RRM1: variants seen among roughly 807,000 people sequenced by gnomAD.
RRM1 encodes the protein ribonucleoside-diphosphate reductase large subunit.
In RRM1, 19 loss-of-function variants were observed where a neutral mutation model predicts 101.5. The observed-to-expected ratio is 0.19, with a 90% CI of 0.13 to 0.27. RRM1 has a LOEUF of 0.27. Ranked by LOEUF, RRM1 falls within the 10% of genes least tolerant of loss-of-function variation. RRM1 has a pLI of 1.00. For missense variants in RRM1, 500 were observed against 962.9 expected, an observed-to-expected ratio of 0.52 and a Z score of 6.36; for synonymous variants, 298 against 323.4, an observed-to-expected ratio of 0.92 and a Z score of 0.84.
In RRM1 at chr11:4,130,659, G is replaced by C. The variant is rs545953576; in HGVS notation, c.1769+1509G>C. Among the ~76,000 whole-genome samples, 4 of 152,228 alleles carry C rather than the reference G, an allele frequency of 2.6e-5. No individual in the cohort carries two copies. In the South Asian group the frequency reaches 8.3e-4, roughly 32 times the overall value. On this transcript the variant is annotated intron_variant, in intron 15 of 18. Transcript: ENST00000300738. ...TACAGGGAGCCGAGATCATGCCACT[G>C]TACTCCAGCCTAGGTAACTGTGACT... is the stretch of plus-strand genomic sequence containing the variant.
At position 4,126,743 on chromosome 11, in the gene RRM1, A is replaced by G. The variant is rs1357817975; in HGVS notation, c.1380A>G (p.Thr460=). ...ALNMYVTSEH[T]YDFKKLAEVT... is the part of the protein sequence containing the mutation. The stretch of plus-strand genomic sequence containing the variant: ...ATATGTATGTCACATCAGAACACAC[A>G]TACGACTTTAAGAAGTTGGCTGAAG... Residue 460 remains threonine, a synonymous_variant, in exon 13 of 19, where the codon ACA becomes ACG. Transcript: ENST00000300738. 1 of 1,614,048 alleles carries G rather than the reference A, an allele frequency of 6.2e-7. No homozygotes were observed.
intron 15 of RRM1, among the ~76,000 whole-genome samples, chr11:4,131,963 G>A (rs895628271): frequency 2.0e-5 from 3 of 152,174 alleles, no homozygotes; most frequent in South Asian, 2.1e-4. Context: ...GCAAGATAGT[G>A]TATCAAGTGT....
chr11:4,117,114 A>G (rs2094574845), intron 7 of RRM1, among the ~76,000 whole-genome samples: 1 of 152,250 alleles, frequency 6.6e-6, no homozygotes, highest in African/African-American at 2.4e-5. Flanking sequence ...AATGAAAATT[A>G]TGTATATATA....
At chr11:4,095,508 AAAG>A (rs1403603564) in intron 1 of RRM1, among the ~76,000 whole-genome samples, 2 of 150,704 alleles carry the variant, frequency 1.3e-5, no homozygotes, top group African/African-American at 4.9e-5. Context: ...GGCAGCTAGG[AAAG>A]AAGGAGGGGG....
rs1374856224 is a variant in RRM1, at chr11:4,137,506, C to A, written c.2191-689C>A. On this transcript the variant is annotated intron_variant, in intron 18 of 18. Transcript: ENST00000300738. Reference sequence around the variant, plus strand: ...TGGCCGGGCCGGGGGCTGAACCCCCCACCTCCCTCCCGGACGGGGCGGCTG... The same window carrying A: ...TGGCCGGGCCGGGGGCTGAACCCCCAACCTCCCTCCCGGACGGGGCGGCTG... Among the ~76,000 whole-genome samples the A allele has an allele frequency of 5.3e-5, 5 of 95,074 alleles. 1 individual carries two copies. Among genetic ancestry groups the A allele is most frequent in the African/African-American group, 1.3e-4 (3 of 23,960 alleles). The allele number at this position is 95,074 out of a possible 152,430, so 62.4% of individuals were successfully genotyped here.
At chr11:4,120,445 C>G (rs987756377) in intron 9 of RRM1, among the ~76,000 whole-genome samples, 2 of 152,034 alleles carry the variant, frequency 1.3e-5, no homozygotes, top group Non-Finnish European at 2.9e-5. Flanking sequence ...CTCACCGTAG[C>G]CTTGACCTCC....
intron 14 of RRM1, 64 bp from the exon 15 acceptor site, chr11:4,129,010 T>TG: frequency 1.3e-6 from 1 of 759,406 alleles, no homozygotes; most frequent in Non-Finnish European, 2.0e-6. Context: ...ATTTGTGGGT[T>TG]TTTTTTTTTT....
At chr11:4,106,265 AAAGTAAT>A in intron 3 of RRM1, 42 bp downstream of exon 3, 1 of 1,484,418 alleles carries the variant, frequency 6.7e-7, no homozygotes, top group Non-Finnish European at 9.3e-7. Context: ...TACTCTCAGA[AAAGTAAT>A]AAGGGTACTA....
upstream of RRM1, chr11:4,094,762 C>T: frequency 1.7e-6 from 1 of 580,028 alleles, no homozygotes; most frequent in Non-Finnish European, 3.1e-6. Flanking sequence ...GGGCGTGGGC[C>T]GCAGCGTCGA....
intron 2 of RRM1, among the ~76,000 whole-genome samples, chr11:4,102,749 G>A (rs1188824743): frequency 6.6e-6 from 1 of 151,750 alleles, no homozygotes; most frequent in Non-Finnish European, 1.5e-5. Flanking sequence ...TGTTATTTAT[G>A]TAAAAAGATT....
chr11:4,129,162 G>T lies in RRM1; in HGVS notation c.1769+12G>T. The T allele has an allele frequency of 6.5e-7, 1 of 1,543,940 alleles. No individual in the cohort carries two copies. Among genetic ancestry groups the T allele is most frequent in the South Asian group, 1.1e-5 (1 of 88,314 alleles). On this transcript the variant is annotated intron_variant, in intron 15 of 18. Transcript: ENST00000300738. ...GAGAAGATTGCAAAGTAAGTGAAAA[G>T]ATGTAAAGTAGCTTTGAAGGCAGAA...
Position 4,129,085 on chromosome 11 carries a change from T to C in RRM1, c.1704T>C (p.Tyr568=), listed in dbSNP as rs908534076. Residue 568 remains tyrosine (Y), a synonymous_variant, in exon 15 of 19, where the codon TAT becomes TAC. Coordinates refer to ENST00000300738, the MANE Select transcript of RRM1 (RefSeq NM_001033.5). ...GSPVSKGILQ[Y]DMWNVTPTDL... Reference sequence around the variant, plus strand: ...TGTGTATTCCTTAGATTCTTCAGTATGATATGTGGAATGTTACTCCTACAG... The same window carrying C: ...TGTGTATTCCTTAGATTCTTCAGTACGATATGTGGAATGTTACTCCTACAG... The C allele has an allele frequency of 1.3e-5, 20 of 1,588,890 alleles. No individual in the cohort carries two copies. Among genetic ancestry groups the C allele is most frequent in the Non-Finnish European group, 1.5e-5 (18 of 1,163,002 alleles).
rs578075840 is a variant in RRM1, at chr11:4,138,910, A to G, written c.*527A>G. ...GATTAATTTTGTCATTTACTTTCAT[A>G]TAAAAGTCAAATTTGAAAAACACAT... On this transcript the variant is annotated 3_prime_UTR_variant, in exon 19 of 19. Transcript: ENST00000300738. 7 of 178,172 alleles carry G rather than the reference A, an allele frequency of 3.9e-5. No homozygotes were observed. The highest frequency in any genetic ancestry group is 8.4e-5 in the Non-Finnish European group (7 of 82,988). The allele number at this position is 178,172 out of a possible 1,614,324, so 11.0% of individuals were successfully genotyped here. A position where few individuals can be genotyped will look rare whatever the true frequency, so the allele number is the denominator to read the frequency against.
intron 6 of RRM1, 28 bp downstream of exon 6, chr11:4,111,668 C>G: frequency 1.3e-6 from 2 of 1,557,458 alleles, no homozygotes; most frequent in African/African-American, 1.4e-5. Context: ...TTGTCTGTTA[C>G]ATTTTCTACT....
chr11:4,115,296 C>T (rs1040041238), intron 7 of RRM1, among the ~76,000 whole-genome samples: 1 of 152,000 alleles, frequency 6.6e-6, no homozygotes, highest in Admixed American at 6.6e-5. Flanking sequence ...GAGAGATTAT[C>T]TTGAATTATG....
At position 4,110,912 on chromosome 11, in the gene RRM1, T is replaced by C. The variant is rs192879359; in HGVS notation, c.448-689T>C. ...AGGAGTCTTCAGGGGATTAAATGAG[T>C]GTAACGAGTGTATATGTTGCTTAGA... On this transcript the variant is annotated intron_variant, in intron 5 of 18. Coordinates refer to ENST00000300738, the MANE Select transcript of RRM1 (RefSeq NM_001033.5). 5.4e-3 allele frequency among the ~76,000 whole-genome samples: 818 copies of C among 151,998 alleles called. 2 individuals carry two copies. The highest frequency in any genetic ancestry group is 0.017 in the African/African-American group (711 of 41,478).
intron 3 of RRM1, 113 bp from the exon 4 acceptor site, chr11:4,107,322 G>A (rs1323403078): frequency 2.2e-5 from 15 of 693,092 alleles, no homozygotes; most frequent in Non-Finnish European, 3.3e-5. Context: ...AGGCATTGAG[G>A]TGGGTTGAGA....
At position 4,109,619 on chromosome 11, in the gene RRM1, A is replaced by T. The variant is rs372069566; in HGVS notation, c.388-25A>T. The T allele has an allele frequency of 5.7e-6, 9 of 1,573,204 alleles. No individual in the cohort carries two copies. In the African/African-American group the frequency reaches 1.1e-4, roughly 19 times the overall value. ...AATAAGTAATTATTTTAATTTAATT[A>T]TGGGTTCTTTTTCACCCCTATCAGC... On this transcript the variant is annotated intron_variant, in intron 4 of 18. Coordinates refer to ENST00000300738, the MANE Select transcript of RRM1 (RefSeq NM_001033.5).
rs1489527456 is a variant in RRM1, at chr11:4,132,365, A to G, written c.1849A>G (p.Ile617Val). Residue 617 changes from isoleucine (I) to valine (V), a missense_variant, in exon 16 of 19, where the codon ATT becomes GTT. This residue lies in a region of RRM1 where 79 missense variants were observed against 176.4 expected (regional missense o/e 0.45). Coordinates refer to ENST00000300738, the MANE Select transcript of RRM1 (RefSeq NM_001033.5). This position sits in a 1 kb window ranked among gnomAD's most constrained non-coding sequence, Gnocchi z 4.1. The part of the protein sequence containing the change: ...TAQILGNNES[I>V]EPYTSNIYTR... Reference sequence around the variant, plus strand: ...TCAGATCCTGGGGAATAATGAGTCCATTGAACCTTACACCAGCAACATCTA... The same window carrying G: ...TCAGATCCTGGGGAATAATGAGTCCGTTGAACCTTACACCAGCAACATCTA... 1 of 1,614,186 alleles carries G rather than the reference A, an allele frequency of 6.2e-7. No individual in the cohort carries two copies. Among genetic ancestry groups the G allele is most frequent in the South Asian group, 1.1e-5 (1 of 91,088 alleles).
Sources: allele counts gnomAD v4.1 joint callset (sites outside exome capture counted in the v4.1 genomes callset), GRCh38; gene constraint gnomAD v4.1.1; regional missense constraint gnomAD v4.1.1; non-coding constraint Gnocchi (gnomAD v3.1); transcripts MANE v1.5; gene names NCBI Gene and HGNC (gene_info 2026-07-23, HGNC 2026-07-21).